The following HDAC4 variants were observed in gnomAD, a reference collection of about 807,000 sequenced individuals.
The protein encoded by HDAC4 is histone deacetylase A.
In HDAC4, 16 loss-of-function variants were observed where a neutral mutation model predicts 135.1. That is an observed-to-expected ratio of 0.12 (90% CI 0.08 to 0.18). The LOEUF (loss-of-function observed/expected upper bound fraction) is 0.18. HDAC4 is among the 10% of genes least tolerant of loss of function. The pLI is 1.00. For synonymous variants in HDAC4, 685 were observed against 653.4 expected, an observed-to-expected ratio of 1.05 and a Z score of -0.74; for missense variants, 1,143 against 1,511.8, an observed-to-expected ratio of 0.76 and a Z score of 4.05.
chr2:239,176,689 C>G (rs1182476026), intron 4 of HDAC4, 126 bp from the exon 5 acceptor site: 1 of 803,426 alleles, frequency 1.2e-6, no homozygotes, highest in Non-Finnish European at 2.0e-6. Flanking sequence ...TGGGCACTGC[C>G]CTGCCCTGCA....
chr2:239,190,522 T>C (rs1249849325), intron 3 of HDAC4, among the ~76,000 whole-genome samples: 1 of 152,220 alleles, frequency 6.6e-6, no homozygotes, highest in African/African-American at 2.4e-5. Flanking sequence ...GTCCTGCTCC[T>C]CTTCCTCCTC....
intron 2 of HDAC4, among the ~76,000 whole-genome samples, chr2:239,346,902 C>A (rs1356033049): frequency 4.9e-4 from 74 of 150,430 alleles, no homozygotes; most frequent in African/African-American, 1.8e-3. Context: ...CCCTGTCTCT[C>A]ACACACACAC....
At chr2:239,127,116 T>C (rs2040245708) in intron 11 of HDAC4, among the ~76,000 whole-genome samples, 1 of 152,218 alleles carries the variant, frequency 6.6e-6, no homozygotes, top group African/African-American at 2.4e-5. Context: ...CTGCCACGGT[T>C]CTGGGAGCCT....
At chr2:239,287,143 A>G (rs1373948662) in intron 2 of HDAC4, among the ~76,000 whole-genome samples, 1 of 152,190 alleles carries the variant, frequency 6.6e-6, no homozygotes, top group Non-Finnish European at 1.5e-5. Context: ...GTGAGCCCAC[A>G]GTGATCCATC....
chr2:239,191,135 A>G (rs1559204742), intron 3 of HDAC4: 1 of 398,300 alleles, frequency 2.5e-6, no homozygotes. Context: ...CCCCATAACC[A>G]ACACTCATGT....
chr2:239,117,760 T>C (rs914553816), intron 12 of HDAC4, among the ~76,000 whole-genome samples: 1 of 151,868 alleles, frequency 6.6e-6, no homozygotes, highest in Non-Finnish European at 1.5e-5. Context: ...TCTGTCCCCG[T>C]GGGGAACGGC....
chr2:239,203,425 A>C (rs2045874692), intron 3 of HDAC4, among the ~76,000 whole-genome samples: 1 of 152,222 alleles, frequency 6.6e-6, no homozygotes, highest in Non-Finnish European at 1.5e-5. Context: ...GAAGCCAAGA[A>C]GGCTCATTGG....
chr2:239,200,241 C>G (rs890761476), intron 3 of HDAC4, among the ~76,000 whole-genome samples: 1 of 152,140 alleles, frequency 6.6e-6, no homozygotes, highest in South Asian at 2.1e-4. Flanking sequence ...TGGAGAGCAC[C>G]TCGCGCTGAA....
rs544831650 is a variant in HDAC4, at chr2:239,263,287, A to G, written c.23-26623T>C. On this transcript the variant is annotated intron_variant, in intron 2 of 26. Coordinates refer to ENST00000543185, the MANE Select transcript of HDAC4 (RefSeq NM_001378414.1). Reference sequence around the variant, plus strand: ...GGACCCCCGCCCAGCCCAGCCCCCTACACATCAGCTGTCTCGAAGCCCACC... The same window carrying G: ...GGACCCCCGCCCAGCCCAGCCCCCTGCACATCAGCTGTCTCGAAGCCCACC... Among the ~76,000 whole-genome samples, 7 of 64,010 alleles carry G rather than the reference A, an allele frequency of 1.1e-4. No homozygotes were observed. The South Asian group carries it at 1.2e-3, about 11-fold the overall frequency. The allele number at this position is 64,010 out of a possible 152,430, so 42.0% of individuals were successfully genotyped here. A position where few individuals can be genotyped will look rare whatever the true frequency, so the allele number is the denominator to read the frequency against.
chr2:239,361,905 G>A (rs1693893049), intron 1 of HDAC4, among the ~76,000 whole-genome samples: 1 of 152,212 alleles, frequency 6.6e-6, no homozygotes, highest in Admixed American at 6.5e-5. Context: ...GAACTACGAT[G>A]ATCACTTTTC....
At chr2:239,369,806 G>A (rs1299891155) in intron 1 of HDAC4, among the ~76,000 whole-genome samples, 1 of 152,154 alleles carries the variant, frequency 6.6e-6, no homozygotes, top group Non-Finnish European at 1.5e-5. Context: ...ACCTTTCATA[G>A]AAAACAACGG....
At chr2:239,365,795 C>T (rs10865082) in intron 1 of HDAC4, among the ~76,000 whole-genome samples, 1 of 148,332 alleles carries the variant, frequency 6.7e-6, no homozygotes, top group Non-Finnish European at 1.5e-5. Context: ...AGACCAGGGT[C>T]GTCAGGGTCA....
intron 6 of HDAC4, chr2:239,161,981 G>A (rs781716760): frequency 2.5e-6 from 1 of 396,102 alleles, no homozygotes. Context: ...GCCACTGCCC[G>A]GCTTCTATTC....
chr2:239,380,090 C>T (rs966901445), intron 1 of HDAC4, among the ~76,000 whole-genome samples: 2 of 152,196 alleles, frequency 1.3e-5, no homozygotes, highest in Admixed American at 6.5e-5. Context: ...GGGGGCGCGG[C>T]GTGGGCCCAT....
intron 1 of HDAC4, among the ~76,000 whole-genome samples, chr2:239,378,758 G>A (rs544503707): frequency 7.9e-5 from 12 of 152,222 alleles, no homozygotes; most frequent in Admixed American, 4.6e-4. Flanking sequence ...CAATGACCCC[G>A]GCATGTCCTG....
At chr2:239,078,761 G>A (rs2035016784) in intron 22 of HDAC4, among the ~76,000 whole-genome samples, 1 of 152,152 alleles carries the variant, frequency 6.6e-6, no homozygotes, top group African/African-American at 2.4e-5. Context: ...GCCTGGGCTT[G>A]CCCGCCAGCA....
intron 12 of HDAC4, among the ~76,000 whole-genome samples, chr2:239,121,633 G>A (rs542711107): frequency 2.6e-5 from 4 of 152,350 alleles, no homozygotes; most frequent in African/African-American, 9.6e-5. Context: ...GTCCCCCGCT[G>A]CCGCACGCCC....
At chr2:239,193,537 G>A (rs892673557) in intron 3 of HDAC4, among the ~76,000 whole-genome samples, 4 of 152,236 alleles carry the variant, frequency 2.6e-5, no homozygotes, top group African/African-American at 4.8e-5. Context: ...GCGTCTCACC[G>A]AGGGCAGGGG....
chr2:239,246,815 T>C (rs2048490902), intron 2 of HDAC4, among the ~76,000 whole-genome samples: 1 of 152,246 alleles, frequency 6.6e-6, no homozygotes, highest in Admixed American at 6.5e-5. Context: ...TGTCCTCGCC[T>C]GCCTTTGAAA....
Sources: gnomAD v4.1 joint callset for allele counts (sites outside exome capture counted in the v4.1 genomes callset) on GRCh38, gnomAD v4.1.1 for gene constraint, MANE v1.5 for transcripts, NCBI Gene and HGNC (gene_info 2026-07-23, HGNC 2026-07-21) for gene names.